CDHR4: variants seen among roughly 807,000 people sequenced by gnomAD.
CDHR4 encodes cadherin-related family member 4.
CDHR4 carries 89 observed loss-of-function variants against 88.4 expected under a neutral mutation model. That is an observed-to-expected ratio of 1.01 (90% CI 0.85 to 1.20). CDHR4 has a LOEUF of 1.20. Ranked by LOEUF, CDHR4 falls within the 50% of genes most tolerant of loss-of-function variation. The pLI, the probability that CDHR4 is intolerant of heterozygous loss-of-function variation, is 0.00. For synonymous variants in CDHR4, 368 were observed against 399.2 expected, an observed-to-expected ratio of 0.92 and a Z score of 0.93; for missense variants, 914 against 1,007.2, an observed-to-expected ratio of 0.91 and a Z score of 1.25.
At chr3:49,797,610 T>C (rs942377203) in intron 4 of CDHR4, among the ~76,000 whole-genome samples, 1 of 152,076 alleles carries the variant, frequency 6.6e-6, no homozygotes, top group African/African-American at 2.4e-5. Context: ...GCCTCCCGAA[T>C]AGCTGAGATT....
chr3:49,798,706 C>T (rs2081311333), intron 4 of CDHR4, 120 bp downstream of exon 4: 9 of 875,550 alleles, frequency 1.0e-5, no homozygotes, highest in South Asian at 1.7e-5. Context: ...TGTAGAGGCT[C>T]ATCTATGCCT....
At position 49,793,912 on chromosome 3, in the gene CDHR4, G is replaced by C. The variant is rs1442152515; in HGVS notation, c.1374C>G (p.Pro458=). ...RTFRVQEDAA[P]HTLLGSVVGT... Reference sequence around the variant, plus strand: ...CCACCACGGAGCCCAGTAGAGTGTGGGGCGCCGCATCCTCCTGAACCCGGA... The same window carrying C: ...CCACCACGGAGCCCAGTAGAGTGTGCGGCGCCGCATCCTCCTGAACCCGGA... The change falls in exon 11 of 19, where the codon CCC becomes CCG. Residue 458 remains proline, a synonymous_variant. Coordinates refer to ENST00000412678, the MANE Select transcript of CDHR4 (RefSeq NM_001007540.4). 3.2e-6 allele frequency: 5 copies of C among 1,551,780 alleles called. No individual in the cohort carries two copies. Among genetic ancestry groups the C allele is most frequent in the South Asian group, 1.2e-5 (1 of 84,068 alleles).
chr3:49,791,549 C>A lies in CDHR4; in HGVS notation c.2284-81G>T. The A allele has an allele frequency of 2.7e-6, 4 of 1,508,850 alleles. No homozygotes were observed. In the South Asian group the frequency reaches 5.1e-5, roughly 19 times the overall value. 93.5% of individuals were successfully genotyped at this position (1,508,850 alleles called of 1,614,324 possible). A position where few individuals can be genotyped will look rare whatever the true frequency, so the allele number is the denominator to read the frequency against. On this transcript the variant is annotated intron_variant, in intron 17 of 18. Coordinates refer to ENST00000412678, the MANE Select transcript of CDHR4 (RefSeq NM_001007540.4). ...CAGATGAAGGCCTGCCCCTAGGGGG[C>A]CAGAAGCCCACCTGCCTCCTCCATT...
chr3:49,798,180 G>A (rs2081300594), intron 4 of CDHR4: 1 of 149,858 alleles, frequency 6.7e-6, no homozygotes, highest in Admixed American at 6.6e-5. Flanking sequence ...GATTACAGGT[G>A]TGAGCCACCG....
chr3:49,792,922 C>T lies in CDHR4; in HGVS notation c.1927G>A (p.Ala643Thr), dbSNP rs2081202936. ...GGAACTAGATGCACAATAATGGTGG[C>T]TGTGGTGCTGAGGTGGGGGGTGGAG... ...GPSTPHLSTT[A>T]TIIVHLVPRR... The change falls in exon 14 of 19, where the codon GCC (alanine) becomes ACC (threonine). Residue 643 changes from alanine (A) to threonine (T), a missense_variant. Transcript: ENST00000412678. 6 of 1,551,568 alleles carry T rather than the reference C, an allele frequency of 3.9e-6. No homozygotes were observed. The highest frequency in any genetic ancestry group is 4.4e-6 in the Non-Finnish European group (5 of 1,146,924).
Position 49,794,978 on chromosome 3 carries a change from G to C in CDHR4, c.1154C>G (p.Ala385Gly), listed in dbSNP as rs755426003. 9.8e-5 allele frequency: 152 copies of C among 1,551,592 alleles called. No individual in the cohort carries two copies. Among genetic ancestry groups the C allele is most frequent in the Non-Finnish European group, 1.3e-4 (149 of 1,146,996 alleles). The change falls in exon 9 of 19, where the codon GCC becomes GGC. Residue 385 changes from alanine (A) to glycine (G), a missense_variant. Transcript: ENST00000412678. ...KLWFRSSSNPASLCLYDRVLE... is the reference protein window; with the variant it reads ...KLWFRSSSNPGSLCLYDRVLE... ...GACTCTGTCATAAAGGCAGAGGCTGGCAGGGTTGGAAGAGCTGCGGAACCA... is the reference window on the plus strand; with the variant it reads ...GACTCTGTCATAAAGGCAGAGGCTGCCAGGGTTGGAAGAGCTGCGGAACCA...
rs1187990103 is a variant in CDHR4 at position 49,793,918 on chromosome 3, C to T, written c.1368G>A (p.Ala456=). ...CGGAGCCCAGTAGAGTGTGGGGCGC[C>T]GCATCCTCCTGAACCCGGAACGTGC... The part of the protein sequence containing the change: ...APRTFRVQED[A]APHTLLGSVV... Residue 456 remains alanine, a synonymous_variant, in exon 11 of 19, where the codon GCG becomes GCA. Coordinates refer to ENST00000412678, the MANE Select transcript of CDHR4 (RefSeq NM_001007540.4). 20 of 1,551,772 alleles carry T rather than the reference C, an allele frequency of 1.3e-5. No homozygotes were observed. Among genetic ancestry groups the T allele is most frequent in the Admixed American group, 5.9e-5 (3 of 51,012 alleles).
chr3:49,801,497 C>G (rs1235450135), upstream of CDHR4, among the ~76,000 whole-genome samples: 1 of 152,230 alleles, frequency 6.6e-6, no homozygotes, highest in African/African-American at 2.4e-5. Flanking sequence ...GCTGATCTCT[C>G]TCCTGAAGTC....
At chr3:49,798,566 C>A (rs1458278666) in intron 4 of CDHR4, 8 of 500,620 alleles carry the variant, frequency 1.6e-5, no homozygotes, top group Admixed American at 4.1e-5. Flanking sequence ...CCAGCCTGGA[C>A]GACAGAGCAA....
rs777124677 is a variant in CDHR4, at chr3:49,793,587, A to C, written c.1619T>G (p.Val540Gly). ...AAAGCCTTAGGACGCAATTACCTCA[A>C]CCTCGATGGTAATGGTACAGGAGCC... ...LSGSCTITIEVEDVNDHAPEC... is the reference protein window; with the variant it reads ...LSGSCTITIEGEDVNDHAPEC... Residue 540 changes from valine to glycine, a missense_variant, in exon 12 of 19, where the codon GTT (valine) becomes GGT (glycine). Coordinates refer to ENST00000412678, the MANE Select transcript of CDHR4 (RefSeq NM_001007540.4). 6.4e-7 allele frequency: 1 copy of C among 1,551,586 alleles called. No homozygotes were observed. Among genetic ancestry groups the C allele is most frequent in the South Asian group, 1.2e-5 (1 of 84,034 alleles).
chr3:49,792,530 C>T lies in CDHR4; in HGVS notation c.2076G>A (p.Leu692=), dbSNP rs1438796831. Residue 692 remains leucine (L), a synonymous_variant, in exon 15 of 19, where the codon TTG becomes TTA. Transcript: ENST00000412678. ...WQPQPWFVVV[L]TATGALLLLA... is the part of the protein sequence containing the mutation. Reference sequence around the variant, plus strand: ...AGAGGAGAAGAGCACCAGTTGCTGTCAACACCACCACAAACCAGGGCTGTG... The same window carrying T: ...AGAGGAGAAGAGCACCAGTTGCTGTTAACACCACCACAAACCAGGGCTGTG... The T allele has an allele frequency of 1.9e-6, 3 of 1,551,608 alleles. No individual in the cohort carries two copies. The highest frequency in any genetic ancestry group is 2.6e-6 in the Non-Finnish European group (3 of 1,147,000).
chr3:49,801,946 C>T (rs1475303789), upstream of CDHR4, among the ~76,000 whole-genome samples: 6 of 152,210 alleles, frequency 3.9e-5, 1 homozygote, highest in African/African-American at 1.4e-4. Flanking sequence ...CCTCATCACA[C>T]CAAGAACAAA....
rs548223769 is a variant in CDHR4 at position 49,792,942 on chromosome 3, G to A, written c.1907C>T (p.Thr636Ile). ...GGTGGCTGTGGTGCTGAGGTGGGGGGTGGAGGGGCCTGCATCGGCCACACA... is the reference window on the plus strand; with the variant it reads ...GGTGGCTGTGGTGCTGAGGTGGGGGATGGAGGGGCCTGCATCGGCCACACA... The part of the protein sequence containing the change: ...LICVADAGPS[T>I]PHLSTTATII... Residue 636 changes from threonine to isoleucine, a missense_variant, in exon 14 of 19, where the codon ACC becomes ATC. Transcript: ENST00000412678. 46 of 1,551,580 alleles carry A rather than the reference G, an allele frequency of 3.0e-5. No homozygotes were observed. The highest frequency in any genetic ancestry group is 3.9e-5 in the Admixed American group (2 of 50,980).
At chr3:49,794,790 A>G (rs1293991676) in intron 9 of CDHR4, 89 bp from the exon 10 acceptor site, 19 of 1,425,980 alleles carry the variant, frequency 1.3e-5, no homozygotes, top group Middle Eastern at 1.8e-4. Flanking sequence ...GGCATCCACA[A>G]ATATCTTGCC....
At chr3:49,790,974 A>G in intron 18 of CDHR4, 87 bp from the exon 19 acceptor site, 1 of 1,088,256 alleles carries the variant, frequency 9.2e-7, no homozygotes, top group Non-Finnish European at 1.3e-6. Context: ...AGGGTAGGAG[A>G]TTATTCCTCC....
rs1027456640 is a variant in CDHR4 at position 49,793,977 on chromosome 3, G to A, written c.1309C>T (p.Pro437Ser). 1.1e-5 allele frequency: 17 copies of A among 1,551,680 alleles called. No individual in the cohort carries two copies. The highest frequency in any genetic ancestry group is 1.5e-5 in the Non-Finnish European group (17 of 1,146,998). ...CAGGCTGGGGAGAACTCGTTGATGG[G>A]TGTCACCATCACCAGTACCGGCACC... Reference protein sequence around the residue: ...TEVPVLVMVTPINEFSPACAP... With the variant: ...TEVPVLVMVTSINEFSPACAP... Residue 437 changes from proline to serine, a missense_variant, in exon 11 of 19, where the codon CCC becomes TCC. Coordinates refer to ENST00000412678, the MANE Select transcript of CDHR4 (RefSeq NM_001007540.4).
chr3:49,793,625 G>A lies in CDHR4; in HGVS notation c.1581C>T (p.Asn527=), dbSNP rs116781994. The A allele has an allele frequency of 0.013, 19,972 of 1,551,728 alleles. 151 individuals are homozygous for A. Among genetic ancestry groups the A allele is most frequent in the Middle Eastern group, 0.018 (109 of 5,992 alleles). The change falls in exon 12 of 19, where the codon AAC becomes AAT. Residue 527 remains asparagine, a synonymous_variant. Coordinates refer to ENST00000412678, the MANE Select transcript of CDHR4 (RefSeq NM_001007540.4). Reference sequence around the variant, plus strand: ...TGGTACAGGAGCCTGAGAGGTGATGGTTGGGGTTCTGGTCTTGGCCATGGT... The same window carrying A: ...TGGTACAGGAGCCTGAGAGGTGATGATTGGGGTTCTGGTCTTGGCCATGGT... ...VIDHGQDQNP[N]HHLSGSCTIT...
Position 49,793,165 on chromosome 3 carries a change from C to T in CDHR4, c.1770G>A (p.Val590=), listed in dbSNP as rs188298283. 2 of 1,551,610 alleles carry T rather than the reference C, an allele frequency of 1.3e-6. No homozygotes were observed. The highest frequency in any genetic ancestry group is 4.9e-5 in the East Asian group (2 of 40,924). ...PQRLIYSYSI[V]GGNSQNRFIL... ...GGTGGTGCCCATGTCCCCTACCTCC[C>T]ACGATGCTATAGGAGTAGATCAGGC... The change falls in exon 13 of 19, where the codon GTG becomes GTA. Residue 590 remains valine, a synonymous_variant. Transcript: ENST00000412678.
chr3:49,800,496 G>C (rs999099226), upstream of CDHR4, among the ~76,000 whole-genome samples: 12 of 151,666 alleles, frequency 7.9e-5, no homozygotes, highest in African/African-American at 2.7e-4. Flanking sequence ...TCCAACCTGA[G>C]TGACAGAGCA....
Sources: allele counts gnomAD v4.1 joint callset (sites outside exome capture counted in the v4.1 genomes callset), GRCh38; gene constraint gnomAD v4.1.1; transcripts MANE v1.5; gene names NCBI Gene and HGNC (gene_info 2026-07-23, HGNC 2026-07-21).